The following PVT1 variants were observed in gnomAD, a reference collection of about 807,000 sequenced individuals.
PVT1 encodes the protein Pvt1 oncogene, also known as CXCR4/PVT1 fusion.
chr8:127,896,060 A>T (rs1403316138), intron 3 of PVT1, among the ~76,000 whole-genome samples: 1 of 152,252 alleles, frequency 6.6e-6, no homozygotes, highest in East Asian at 1.9e-4. Context: ...TTGTTACAAG[A>T]TGCAATATTT....
At chr8:127,812,661 A>G (rs997854693) in intron 2 of PVT1, among the ~76,000 whole-genome samples, 1 of 146,070 alleles carries the variant, frequency 6.8e-6, no homozygotes, top group Non-Finnish European at 1.5e-5. Flanking sequence ...GAAGGGAAGG[A>G]AGGGAGGGAA....
At chr8:127,989,744 A>G (rs1817010086) in intron 4 of PVT1, among the ~76,000 whole-genome samples, 1 of 151,976 alleles carries the variant, frequency 6.6e-6, no homozygotes, top group Non-Finnish European at 1.5e-5. Context: ...CTTGAATTCT[A>G]TGCTCCTTCC....
chr8:128,006,690 G>A (rs12546057), intron 4 of PVT1, among the ~76,000 whole-genome samples: 2,407 of 152,242 alleles, frequency 0.016, 30 homozygotes, highest in Non-Finnish European at 0.025. Flanking sequence ...CAATTAAAAT[G>A]TTACTATAAG....
At chr8:128,081,329 C>T (rs1385122490) in intron 5 of PVT1, among the ~76,000 whole-genome samples, 2 of 152,188 alleles carry the variant, frequency 1.3e-5, no homozygotes, top group East Asian at 3.8e-4. Context: ...TTTTTGGCAA[C>T]TACAAATAAA....
chr8:127,921,093 G>A (rs1329310515), intron 3 of PVT1, among the ~76,000 whole-genome samples: 1 of 152,162 alleles, frequency 6.6e-6, no homozygotes, highest in Non-Finnish European at 1.5e-5. Flanking sequence ...TCTCTCCAAG[G>A]CAGATCAGCT....
At chr8:127,962,559 C>A (rs1239266862) in intron 3 of PVT1, among the ~76,000 whole-genome samples, 4 of 152,134 alleles carry the variant, frequency 2.6e-5, no homozygotes, top group African/African-American at 7.2e-5. Context: ...TGGGTGTTCT[C>A]ACACCCAGGT....
At chr8:128,031,490 C>T (rs997765460) in intron 4 of PVT1, among the ~76,000 whole-genome samples, 1 of 152,072 alleles carries the variant, frequency 6.6e-6, no homozygotes, top group Admixed American at 6.5e-5. Flanking sequence ...CCTGGTATTG[C>T]GTACAAAGCA....
chr8:127,943,624 A>C (rs768778304), intron 3 of PVT1, among the ~76,000 whole-genome samples: 2 of 152,246 alleles, frequency 1.3e-5, no homozygotes, highest in East Asian at 3.9e-4. Flanking sequence ...TCCAGTTGGG[A>C]CAACCTAAAG....
chr8:127,968,424 G>A (rs1816726185), intron 3 of PVT1, among the ~76,000 whole-genome samples: 1 of 152,128 alleles, frequency 6.6e-6, no homozygotes, highest in African/African-American at 2.4e-5. Flanking sequence ...AATACCATTA[G>A]GGAGACACCA....
At chr8:127,967,503 G>A (rs979711944) in intron 3 of PVT1, among the ~76,000 whole-genome samples, 1 of 152,256 alleles carries the variant, frequency 6.6e-6, no homozygotes, top group Non-Finnish European at 1.5e-5. Flanking sequence ...GTGTTCATCT[G>A]TGCATGTTCT....
At chr8:127,967,246 G>A (rs1382197869) in intron 3 of PVT1, among the ~76,000 whole-genome samples, 1 of 152,064 alleles carries the variant, frequency 6.6e-6, no homozygotes, top group Non-Finnish European at 1.5e-5. Flanking sequence ...ACCTGACCCG[G>A]GATCTCTCCT....
At chr8:128,060,171 G>A (rs1018113924) in intron 4 of PVT1, among the ~76,000 whole-genome samples, 10 of 152,250 alleles carry the variant, frequency 6.6e-5, no homozygotes, top group African/African-American at 2.4e-4. Flanking sequence ...CAGGAGAATG[G>A]CGTGAACCCA....
rs1816881265 is a variant in PVT1 at position 127,981,375 on chromosome 8, T to C, written n.783-7787T>C. ...GCCAGTAGAGTTCGGCATTTTTTCC[T>C]GGCGCGTTCACCTCCTGACAGGGCA... On this transcript the variant is annotated intron_variant and non_coding_transcript_variant, in intron 3 of 10. Transcript: ENST00000651587. Among the ~76,000 whole-genome samples, 3 of 152,182 alleles carry C rather than the reference T, an allele frequency of 2.0e-5. No individual in the cohort carries two copies. The South Asian group carries it at 6.2e-4, about 32-fold the overall frequency.
chr8:127,802,765 G>A (rs949593148), intron 2 of PVT1, among the ~76,000 whole-genome samples: 7 of 152,176 alleles, frequency 4.6e-5, no homozygotes, highest in Non-Finnish European at 7.3e-5. Flanking sequence ...ATGAGAAACC[G>A]TTGCCATCTT....
intron 2 of PVT1, among the ~76,000 whole-genome samples, chr8:127,813,610 C>T (rs1377411810): frequency 6.6e-6 from 1 of 152,186 alleles, no homozygotes; most frequent in African/African-American, 2.4e-5. Context: ...AGCCCTGCTG[C>T]CAAGTAGCTG....
intron 4 of PVT1, among the ~76,000 whole-genome samples, chr8:128,053,003 A>C (rs1327495446): frequency 6.6e-6 from 1 of 152,180 alleles, no homozygotes. Flanking sequence ...TCTTCTAGTA[A>C]CCACCCCAGC....
At chr8:128,023,461 G>A (rs892661609) in intron 4 of PVT1, among the ~76,000 whole-genome samples, 1 of 152,066 alleles carries the variant, frequency 6.6e-6, no homozygotes, top group Non-Finnish European at 1.5e-5. Context: ...CCATTGTTTT[G>A]GTAATAGGTA....
intron 2 of PVT1, among the ~76,000 whole-genome samples, chr8:127,846,677 CCCCAAATGGTA>C (rs1027456733): frequency 6.6e-6 from 1 of 151,992 alleles, no homozygotes; most frequent in African/African-American, 2.4e-5. Flanking sequence ...AGGAAAGGGG[CCCCAAATGGTA>C]CTCTCTTTTT....
intron 2 of PVT1, among the ~76,000 whole-genome samples, chr8:127,853,708 G>C (rs1343252406): frequency 6.6e-6 from 1 of 151,950 alleles, no homozygotes; most frequent in Non-Finnish European, 1.5e-5. Flanking sequence ...TCCAACCTGG[G>C]AGGCAGAGAC....
Sources: allele counts gnomAD v4.1 joint callset (sites outside exome capture counted in the v4.1 genomes callset), GRCh38; gene constraint gnomAD v4.1.1; transcripts MANE v1.5; gene names NCBI Gene and HGNC (gene_info 2026-07-23, HGNC 2026-07-21).